Variants in TNS3 observed in about 807,000 individuals in gnomAD.
TNS3 encodes tensin 3, also known as tensin-3.
In TNS3, 45 loss-of-function variants were observed where a neutral mutation model predicts 140.9. That is an observed-to-expected ratio of 0.32 (90% confidence interval 0.25 to 0.41). TNS3 has a LOEUF of 0.41. TNS3 is among the 10% of genes least tolerant of loss of function. The pLI is 1.00. For missense variants in TNS3, 1,716 were observed against 1,906.7 expected (o/e 0.90, Z 1.86); for synonymous variants, 815 against 788.4 (o/e 1.03, Z -0.56).
chr7:47,368,927 G>C lies in TNS3; in HGVS notation c.1719C>G (p.Ser573=), dbSNP rs753083288. The C allele has an allele frequency of 3.7e-6, 6 of 1,613,172 alleles. No individual in the cohort carries two copies. Among genetic ancestry groups the C allele is most frequent in the African/African-American group, 1.3e-5 (1 of 74,934 alleles). The change falls in exon 17 of 31, where the codon TCC becomes TCG. Residue 573 remains serine, a synonymous_variant. Coordinates refer to ENST00000311160, the MANE Select transcript of TNS3 (RefSeq NM_022748.12). ...TCTGCCCATAGGCCTGCATCTGGGC[G>C]GACACTGAGGGCTTTCTCAGCAGGG... ...PQPLLRKPSV[S]AQMQAYGQSS...
At chr7:47,447,671 G>A (rs1795814394) in intron 4 of TNS3, among the ~76,000 whole-genome samples, 1 of 152,102 alleles carries the variant, frequency 6.6e-6, no homozygotes, top group African/African-American at 2.4e-5. Context: ...CAGTCCCGCT[G>A]TGCCCTCCTG....
At chr7:47,555,517 G>C (rs1055716532) in intron 1 of TNS3, among the ~76,000 whole-genome samples, 1 of 152,156 alleles carries the variant, frequency 6.6e-6, no homozygotes, top group Non-Finnish European at 1.5e-5. Flanking sequence ...TGGATAAAAT[G>C]CTATTAAACA....
intron 1 of TNS3, among the ~76,000 whole-genome samples, chr7:47,562,294 C>T (rs751280746): frequency 2.0e-5 from 3 of 151,768 alleles, no homozygotes; most frequent in Non-Finnish European, 4.4e-5. Flanking sequence ...TGATAGTTAT[C>T]TTAAGTAGAC....
chr7:47,330,602 G>A (rs913910840), intron 20 of TNS3, among the ~76,000 whole-genome samples: 2 of 152,038 alleles, frequency 1.3e-5, no homozygotes, highest in Admixed American at 6.6e-5. Context: ...ACAAAAGGAC[G>A]GAGGGAAGGT....
intron 1 of TNS3, among the ~76,000 whole-genome samples, chr7:47,550,864 A>G (rs977203179): frequency 2.0e-5 from 3 of 152,206 alleles, no homozygotes; most frequent in Non-Finnish European, 4.4e-5. Context: ...GGATATTAAC[A>G]AAGTTACAAA....
chr7:47,305,103 T>A (rs1246766401), intron 20 of TNS3, 100 bp from the exon 21 acceptor site: 1 of 998,964 alleles, frequency 1.0e-6, no homozygotes, highest in Non-Finnish European at 1.3e-6. Flanking sequence ...CAGTGCTGAC[T>A]TTGAGGCTTT....
rs373216604 is a variant in TNS3 at position 47,368,674 on chromosome 7, G to T, written c.1972C>A (p.Gln658Lys). 6.3e-7 allele frequency: 1 copy of T among 1,598,664 alleles called. No homozygotes were observed. Among genetic ancestry groups the T allele is most frequent in the Non-Finnish European group, 8.5e-7 (1 of 1,173,048 alleles). ...TTGAACGCTTTGCTGGGAGAGGGCT[G>T]CTGTGTGTCAGGGGGATGTGGCCCA... Reference protein sequence around the residue: ...GSGPHPPDTQQPSPSKAFKPR... With the variant: ...GSGPHPPDTQKPSPSKAFKPR... The change falls in exon 17 of 31, where the codon CAG becomes AAG. Residue 658 changes from glutamine to lysine, a missense_variant. This residue lies in a region of TNS3 where 1,163 missense variants were observed against 1,182.1 expected (regional missense o/e 0.98). Transcript: ENST00000311160.
chr7:47,433,782 T>C (rs960430919), intron 8 of TNS3, among the ~76,000 whole-genome samples: 1 of 152,124 alleles, frequency 6.6e-6, no homozygotes, highest in South Asian at 2.1e-4. Flanking sequence ...TGATGATCCA[T>C]CAATATCAGG....
intron 30 of TNS3, chr7:47,278,834 A>C (rs1784992300): frequency 6.6e-6 from 1 of 152,348 alleles, no homozygotes; most frequent in African/African-American, 2.4e-5. Flanking sequence ...CCATTATCTT[A>C]ATAGGCTTTT....
At chr7:47,409,805 G>A (rs748151597) in intron 13 of TNS3, among the ~76,000 whole-genome samples, 1 of 152,116 alleles carries the variant, frequency 6.6e-6, no homozygotes, top group Non-Finnish European at 1.5e-5. Context: ...CTACAGGCAC[G>A]CGCCACCTTG....
At chr7:47,508,275 G>T in intron 2 of TNS3, among the ~76,000 whole-genome samples, 1 of 152,192 alleles carries the variant, frequency 6.6e-6, no homozygotes, top group South Asian at 2.1e-4. Flanking sequence ...ATCTTTGTAT[G>T]ATCTATATTT....
chr7:47,342,527 C>T (rs1182432942), intron 20 of TNS3, among the ~76,000 whole-genome samples: 3 of 152,200 alleles, frequency 2.0e-5, no homozygotes, highest in Admixed American at 6.5e-5. Context: ...ATGGTTATTC[C>T]ATGACTGTGA....
chr7:47,299,423 G>A (rs1007254854), intron 23 of TNS3, among the ~76,000 whole-genome samples: 1 of 152,218 alleles, frequency 6.6e-6, no homozygotes, highest in Non-Finnish European at 1.5e-5. Context: ...TTATAGGAGT[G>A]AGTCACTGCG....
intron 4 of TNS3, among the ~76,000 whole-genome samples, chr7:47,471,386 G>A (rs537669674): frequency 4.1e-4 from 63 of 152,328 alleles, no homozygotes; most frequent in African/African-American, 1.3e-3. Flanking sequence ...GAACTGGGCT[G>A]AGCTCTGAAG....
chr7:47,284,015 TTGCCC>T (rs1785282623), intron 27 of TNS3, 150 bp from the exon 28 acceptor site: 2 of 601,088 alleles, frequency 3.3e-6, no homozygotes, highest in Non-Finnish European at 5.2e-6. Context: ...CAGATGGCCT[TTGCCC>T]CTAATTCTGA....
chr7:47,404,704 G>A (rs1192466468), intron 13 of TNS3, among the ~76,000 whole-genome samples: 1 of 152,072 alleles, frequency 6.6e-6, no homozygotes, highest in African/African-American at 2.4e-5. Context: ...GGCTAACATG[G>A]TGAAACCCCG....
chr7:47,492,983 C>T (rs142793028), intron 3 of TNS3, among the ~76,000 whole-genome samples: 1 of 152,230 alleles, frequency 6.6e-6, no homozygotes, highest in Non-Finnish European at 1.5e-5. Flanking sequence ...CCAGCTCCTG[C>T]TTCTTGGGGG....
intron 17 of TNS3, among the ~76,000 whole-genome samples, chr7:47,354,285 A>C (rs1789857914): frequency 1.3e-5 from 2 of 152,158 alleles, no homozygotes; most frequent in Admixed American, 1.3e-4. Context: ...AGGAGCTGAT[A>C]AGGGGACAAG....
intron 16 of TNS3, among the ~76,000 whole-genome samples, chr7:47,375,691 G>A (rs995773365): frequency 1.3e-5 from 2 of 152,208 alleles, no homozygotes; most frequent in Non-Finnish European, 2.9e-5. Context: ...TTCCATCCCG[G>A]TTGAAAACAG....
Sources: gnomAD v4.1 joint callset for allele counts (sites outside exome capture counted in the v4.1 genomes callset) on GRCh38, gnomAD v4.1.1 for gene constraint, gnomAD v4.1.1 regional missense constraint, MANE v1.5 for transcripts, NCBI Gene and HGNC (gene_info 2026-07-23, HGNC 2026-07-21) for gene names.